Variants in MEIG1 observed in about 807,000 individuals in gnomAD.
The protein encoded by MEIG1 is meiosis expressed gene 1 protein homolog.
MEIG1 carries 12 observed loss-of-function variants against 11.3 expected under a neutral mutation model. That is an observed-to-expected ratio of 1.07 (90% CI 0.68 to 1.73). MEIG1 has a LOEUF of 1.73. MEIG1 is among the 40% of genes most tolerant of loss of function. MEIG1 has a pLI of 0.00. For missense variants in MEIG1, 119 were observed against 104.9 expected, an observed-to-expected ratio of 1.13 and a Z score of -0.59; for synonymous variants, 41 against 33.2, an observed-to-expected ratio of 1.24 and a Z score of -0.81.
At chr10:14,966,381 G>A in intron 1 of MEIG1, 59 bp from the exon 2 acceptor site, 1 of 1,285,078 alleles carries the variant, frequency 7.8e-7, no homozygotes, top group Non-Finnish European at 1.1e-6. Context: ...TATTCTTAAA[G>A]GGAATTTCAA....
chr10:14,984,009 T>G (rs1162320222), intron 1 of MEIG1, among the ~76,000 whole-genome samples: 3 of 152,100 alleles, frequency 2.0e-5, no homozygotes, highest in African/African-American at 7.2e-5. Context: ...ACTCCCGAGA[T>G]ATTGTTCTTA....
intron 1 of MEIG1, among the ~76,000 whole-genome samples, chr10:14,963,242 A>G (rs1843036477): frequency 6.6e-6 from 1 of 151,986 alleles, no homozygotes; most frequent in Non-Finnish European, 1.5e-5. Context: ...GATTACAGGC[A>G]TGCGCCACCA....
In MEIG1 at chr10:14,972,603, G is replaced by T; in HGVS notation, c.229G>T (p.Asp77Tyr). Residue 77 changes from aspartate to tyrosine, a missense_variant, in exon 3 of 3, where the codon GAC (aspartate) becomes TAC (tyrosine). Asp to Tyr is a radical substitution (Grantham distance 160). Transcript: ENST00000407572. The stretch of plus-strand genomic sequence containing the variant: ...CTACAACAAACAGAGGGAATGTGAT[G>T]ACAAAGAAGTCCACAAAGTGAAAAT... ...YYYNKQRECDDKEVHKVKIYA... is the reference protein window; with the variant it reads ...YYYNKQRECDYKEVHKVKIYA... 6.2e-7 allele frequency: 1 copy of T among 1,612,622 alleles called. No homozygotes were observed. The highest frequency in any genetic ancestry group is 1.1e-5 in the South Asian group (1 of 90,540).
At chr10:14,984,273 C>T (rs1843296126) in intron 1 of MEIG1, among the ~76,000 whole-genome samples, 1 of 151,924 alleles carries the variant, frequency 6.6e-6, no homozygotes, top group Non-Finnish European at 1.5e-5. Flanking sequence ...TGATATTACT[C>T]CCCGATTTTT....
chr10:14,971,772 T>C (rs1421140430), intron 2 of MEIG1, among the ~76,000 whole-genome samples: 1 of 152,202 alleles, frequency 6.6e-6, no homozygotes, highest in Non-Finnish European at 1.5e-5. Flanking sequence ...AAATGAAGTT[T>C]AGATTACTTG....
At chr10:14,980,151 G>A (rs995242194) in intron 1 of MEIG1, among the ~76,000 whole-genome samples, 10 of 151,698 alleles carry the variant, frequency 6.6e-5, no homozygotes, top group African/African-American at 2.2e-4. Context: ...GGGATGTTAC[G>A]CCTATTGTCA....
downstream of MEIG1, among the ~76,000 whole-genome samples, chr10:14,975,116 T>A (rs1843196980): frequency 1.3e-5 from 2 of 152,052 alleles, no homozygotes; most frequent in African/African-American, 2.4e-5. Flanking sequence ...TGGGTGCGCA[T>A]CCACCCGGTG....
chr10:14,967,862 CTG>C (rs1208006059), intron 2 of MEIG1, among the ~76,000 whole-genome samples: 1 of 152,006 alleles, frequency 6.6e-6, no homozygotes, highest in Non-Finnish European at 1.5e-5. Context: ...TATTTATAGT[CTG>C]TGTGGTTTGC....
intron 1 of MEIG1, among the ~76,000 whole-genome samples, chr10:14,985,409 G>A (rs943783679): frequency 6.6e-6 from 1 of 152,004 alleles, no homozygotes. Flanking sequence ...TGATATGATC[G>A]GTTATATCCT....
At chr10:14,963,858 G>C (rs537078867) in intron 1 of MEIG1, among the ~76,000 whole-genome samples, 3 of 152,108 alleles carry the variant, frequency 2.0e-5, no homozygotes, top group Non-Finnish European at 1.5e-5. Context: ...CAGCCTTTTG[G>C]GGGGCTGAGG....
At chr10:14,957,278 G>T (rs1230720735), upstream of MEIG1, among the ~76,000 whole-genome samples, 1 of 152,166 alleles carries the variant, frequency 6.6e-6, no homozygotes, top group African/African-American at 2.4e-5. Context: ...GGGTCATGTT[G>T]ATAGTAAGTA....
At chr10:14,955,185 G>A (rs887892486), upstream of MEIG1, among the ~76,000 whole-genome samples, 2 of 152,204 alleles carry the variant, frequency 1.3e-5, no homozygotes, top group East Asian at 3.9e-4. Flanking sequence ...GCTCGCCTCG[G>A]CCTCCCAAAG....
downstream of MEIG1, among the ~76,000 whole-genome samples, chr10:14,977,080 G>T (rs569966451): frequency 5.9e-5 from 9 of 151,834 alleles, no homozygotes; most frequent in Admixed American, 1.3e-4. Context: ...ATGACACAGG[G>T]GTGTACACAT....
chr10:14,986,735 G>C (rs956106557), intron 1 of MEIG1: 3 of 312,852 alleles, frequency 9.6e-6, no homozygotes, highest in African/African-American at 6.6e-5. Flanking sequence ...TCGGCCCTGC[G>C]AATAGCTGAG....
At chr10:14,971,904 T>A (rs1843155122) in intron 2 of MEIG1, among the ~76,000 whole-genome samples, 1 of 152,070 alleles carries the variant, frequency 6.6e-6, no homozygotes, top group African/African-American at 2.4e-5. Context: ...ATCACTTGAC[T>A]ACAGCAGTTC....
At chr10:14,961,638 A>ATTTTTTTTTTTTTC in intron 1 of MEIG1, among the ~76,000 whole-genome samples, 1 of 76,594 alleles carries the variant, frequency 1.3e-5, no homozygotes, top group African/African-American at 4.6e-5. Flanking sequence ...CATCCGGCTA[A>ATTTTTTTTTTTTTC]TTTTTTTTTT....
At chr10:14,972,455 T>C in intron 2 of MEIG1, 58 bp from the exon 3 acceptor site, 1 of 1,607,978 alleles carries the variant, frequency 6.2e-7, no homozygotes, top group Non-Finnish European at 8.5e-7. Flanking sequence ...GATAGTAAAA[T>C]ATGAGATAAA....
intron 2 of MEIG1, among the ~76,000 whole-genome samples, chr10:14,968,842 G>A (rs1843117720): frequency 6.6e-6 from 1 of 152,284 alleles, no homozygotes; most frequent in East Asian, 1.9e-4. Context: ...AGTTTGGGAG[G>A]CCGAGGCAGG....
In MEIG1 at chr10:14,966,825, C is replaced by G. The variant is rs544547787; in HGVS notation, c.138+219C>G. The stretch of plus-strand genomic sequence containing the variant: ...ACGCAATCTCGGCACACTCCACCTC[C>G]CGGATTCAAGGGATTCTCTTGCCTC... On this transcript the variant is annotated intron_variant, in intron 2 of 2. Transcript: ENST00000407572. 2.0e-5 allele frequency among the ~76,000 whole-genome samples: 3 copies of G among 152,252 alleles called. No homozygotes were observed. The East Asian group carries it at 5.8e-4, about 29-fold the overall frequency.
Sources: gnomAD v4.1 joint callset for allele counts (sites outside exome capture counted in the v4.1 genomes callset) on GRCh38, gnomAD v4.1.1 for gene constraint, MANE v1.5 for transcripts, NCBI Gene and HGNC (gene_info 2026-07-23, HGNC 2026-07-21) for gene names.